NOS2: variants seen among roughly 807,000 people sequenced by gnomAD.
The protein encoded by NOS2 is nitric oxide synthase, inducible.
Under a neutral mutation model 136.0 loss-of-function variants are expected in NOS2, and 96 were observed. That is an observed-to-expected ratio of 0.71 (90% CI 0.60 to 0.84). The LOEUF is 0.84. Among genes scored for constraint, NOS2 ranks in the 40% least tolerant of loss-of-function variants. NOS2 has a pLI of 0.00. For synonymous variants in NOS2, 539 were observed against 587.5 expected, an observed-to-expected ratio of 0.92 and a Z score of 1.20; for missense variants, 1,237 against 1,496.9, an observed-to-expected ratio of 0.83 and a Z score of 2.87.
At chr17:27,796,470 A>G (rs977895151) in intron 2 of NOS2, among the ~76,000 whole-genome samples, 2 of 152,078 alleles carry the variant, frequency 1.3e-5, no homozygotes, top group African/African-American at 4.8e-5. Flanking sequence ...AATAATAATA[A>G]AAAATAAAAA....
chr17:27,757,196 G>A lies in NOS2; in HGVS notation c.*50C>T, dbSNP rs1216292514. The A allele has an allele frequency of 4.1e-6, 6 of 1,447,896 alleles. No homozygotes were observed. Among genetic ancestry groups the A allele is most frequent in the Non-Finnish European group, 5.8e-6 (6 of 1,034,978 alleles). 89.7% of individuals were successfully genotyped at this position (1,447,896 alleles called of 1,614,324 possible). ...TGTGACCTCAGATAATGCAGAGCTGGCTCCATCCTTAAGTTCTGTGCCGGC... is the reference window on the plus strand; with the variant it reads ...TGTGACCTCAGATAATGCAGAGCTGACTCCATCCTTAAGTTCTGTGCCGGC... On this transcript the variant is annotated 3_prime_UTR_variant, in exon 27 of 27. Transcript: ENST00000313735.
intron 13 of NOS2, among the ~76,000 whole-genome samples, 193 bp from the exon 14 acceptor site, chr17:27,772,645 T>C (rs1004910806): frequency 2.0e-5 from 3 of 152,096 alleles, no homozygotes; most frequent in Non-Finnish European, 4.4e-5. Flanking sequence ...TATAGGCCCC[T>C]TTGGGAAAAG....
At chr17:27,773,523 T>C (rs1415537873) in intron 12 of NOS2, among the ~76,000 whole-genome samples, 3 of 152,198 alleles carry the variant, frequency 2.0e-5, no homozygotes, top group Non-Finnish European at 4.4e-5. Flanking sequence ...GCTGCACTCC[T>C]TTTGCTTTTA....
chr17:27,769,896 G>C (rs148538256), intron 15 of NOS2, among the ~76,000 whole-genome samples: 1 of 152,290 alleles, frequency 6.6e-6, no homozygotes, highest in Non-Finnish European at 1.5e-5. Context: ...CTCCAGAGGG[G>C]CTCCGAATGC....
Position 27,783,089 on chromosome 17 carries a change from T to C in NOS2, c.485A>G (p.His162Arg). The change falls in exon 6 of 27, where the codon CAT becomes CGT. Residue 162 changes from histidine (H) to arginine (R), a missense_variant. Around this residue, in one of 3 missense-constraint regions of NOS2, gnomAD observed 440 missense variants for 545.4 expected, o/e 0.81. Transcript: ENST00000313735. ...GSFKEAKIEE[H>R]LARVEAVTKE... ...TGTTACCGCTTCCACCCTGGCCAGA[T>C]GTTCCTCTATTTTTGCCCTGGGGGA... The C allele has an allele frequency of 6.2e-7, 1 of 1,614,094 alleles. No individual in the cohort carries two copies. Among genetic ancestry groups the C allele is most frequent in the Non-Finnish European group, 8.5e-7 (1 of 1,179,996 alleles).
rs934969692 is a variant in NOS2 at position 27,768,278 on chromosome 17, T to C, written c.2035-441A>G. Among the ~76,000 whole-genome samples the C allele has an allele frequency of 2.6e-5, 4 of 152,202 alleles. No individual in the cohort carries two copies. The East Asian group carries it at 5.8e-4, about 22-fold the overall frequency. The stretch of plus-strand genomic sequence containing the variant: ...GTTACTCAGGCTAGTTTCAAGCTCC[T>C]GGGCTCAAGCAATCTGCCCACCTCA... On this transcript the variant is annotated intron_variant, in intron 17 of 26. Transcript: ENST00000313735.
chr17:27,757,410 G>A, intron 26 of NOS2, 57 bp from the exon 27 acceptor site: 1 of 1,485,304 alleles, frequency 6.7e-7, no homozygotes, highest in Non-Finnish European at 9.3e-7. Context: ...GAGCCCCTGG[G>A]GTTGCCCAGC....
At chr17:27,783,535 G>A (rs1224292735) in intron 5 of NOS2, among the ~76,000 whole-genome samples, 1 of 152,136 alleles carries the variant, frequency 6.6e-6, no homozygotes, top group African/African-American at 2.4e-5. Context: ...CTCTCCATTA[G>A]TTAGTAGAGT....
Position 27,798,879 on chromosome 17 carries a change from G to A in NOS2, c.-70C>T. On this transcript the variant is annotated 5_prime_UTR_variant, in exon 2 of 27. Transcript: ENST00000313735. ...TTTGAGCTCAGATGTTCTTCACTGTGGGGCTGAAGAAGGGAAGCAGAGGTG... is the reference window on the plus strand; with the variant it reads ...TTTGAGCTCAGATGTTCTTCACTGTAGGGCTGAAGAAGGGAAGCAGAGGTG... The A allele has an allele frequency of 1.0e-6, 1 of 992,200 alleles. No individual in the cohort carries two copies. Among genetic ancestry groups the A allele is most frequent in the South Asian group, 1.3e-5 (1 of 77,510 alleles). The allele number at this position is 992,200 out of a possible 1,614,324, so 61.5% of individuals were successfully genotyped here. A position where few individuals can be genotyped will look rare whatever the true frequency, so the allele number is the denominator to read the frequency against.
chr17:27,799,412 A>G (rs1431442984), intron 1 of NOS2, among the ~76,000 whole-genome samples: 4 of 152,194 alleles, frequency 2.6e-5, no homozygotes, highest in Non-Finnish European at 5.9e-5. Flanking sequence ...CTCCTCTTTT[A>G]TTATGTGGGG....
chr17:27,757,760 T>C (rs1172855407), intron 26 of NOS2, among the ~76,000 whole-genome samples: 1 of 152,244 alleles, frequency 6.6e-6, no homozygotes, highest in Non-Finnish European at 1.5e-5. Flanking sequence ...TAACTAAGCA[T>C]GTCCCAGGCT....
chr17:27,768,987 TG>T lies in NOS2; in HGVS notation c.2023del (p.Gln675LysfsTer28). 1 of 1,605,824 alleles carries T rather than the reference TG, an allele frequency of 6.2e-7. No homozygotes were observed. Among genetic ancestry groups the T allele is most frequent in the Non-Finnish European group, 8.5e-7 (1 of 1,176,104 alleles). ...TGGCTGGGAACTGACCTTGAAGGTTTGCACGGCCCAGCTGCGGAAGGCGTCC... is the reference window on the plus strand; with the variant it reads ...TGGCTGGGAACTGACCTTGAAGGTTTCACGGCCCAGCTGCGGAAGGCGTCC... Reference protein sequence around the residue: ...QEDAFRSWAVQTFKAACETFD... With the variant: ...QEDAFRSWAVXTFKAACETFD... On this transcript the variant is annotated frameshift_variant, in exon 17 of 27. Transcript: ENST00000313735. LOFTEE classifies it high-confidence loss of function.
chr17:27,797,322 G>A (rs1909383177), intron 2 of NOS2, among the ~76,000 whole-genome samples: 1 of 152,234 alleles, frequency 6.6e-6, no homozygotes, highest in African/African-American at 2.4e-5. Context: ...GCCATTTGCT[G>A]AGCACTTACT....
chr17:27,769,404 A>C, intron 16 of NOS2, 131 bp downstream of exon 16: 1 of 829,412 alleles, frequency 1.2e-6, no homozygotes, highest in Non-Finnish European at 2.0e-6. Flanking sequence ...CTGAGTACAG[A>C]CCTTAGACCC....
In NOS2 at chr17:27,789,664, C is replaced by A. The variant is rs201239372; in HGVS notation, c.135G>T (p.Gln45His). 1 of 1,614,062 alleles carries A rather than the reference C, an allele frequency of 6.2e-7. No individual in the cohort carries two copies. Among genetic ancestry groups the A allele is most frequent in the African/African-American group, 1.3e-5 (1 of 75,050 alleles). ...TSSPVTQDDL[Q>H]YHNLSKQQNE... ...TCTGCTGCTTGCTGAGGTTGTGATA[C>A]TGAAGGTCATCCTGTGTCACTGGAC... The change falls in exon 3 of 27, where the codon CAG (glutamine) becomes CAT (histidine). Residue 45 changes from glutamine (Q) to histidine (H), a missense_variant. Physicochemically the swap from Gln to His is conservative, Grantham distance 24. Around this residue, in one of 3 missense-constraint regions of NOS2, gnomAD observed 440 missense variants for 545.4 expected, o/e 0.81. Transcript: ENST00000313735.
At chr17:27,785,181 T>C (rs1908982793) in intron 5 of NOS2, among the ~76,000 whole-genome samples, 1 of 152,054 alleles carries the variant, frequency 6.6e-6, no homozygotes, top group African/African-American at 2.4e-5. Flanking sequence ...GTACATCTCT[T>C]CTGTGGATTT....
chr17:27,765,551 C>T lies in NOS2; in HGVS notation c.2412G>A (p.Glu804=), dbSNP rs1190148996. ...GPTPHQTVRL[E]ALDESGSYWV... is the part of the protein sequence containing the mutation. ...GGGGCTCACCACTCTCATCCAGGGC[C>T]TCCAGGCGCACTGTCTGGTGGGGTG... Residue 804 remains glutamate, a synonymous_variant, in exon 20 of 27, where the codon GAG becomes GAA. Transcript: ENST00000313735. 6 of 1,605,362 alleles carry T rather than the reference C, an allele frequency of 3.7e-6. No individual in the cohort carries two copies. In the African/African-American group the frequency reaches 8.0e-5, roughly 21 times the overall value.
At chr17:27,764,815 G>A (rs1358035494) in intron 20 of NOS2, among the ~76,000 whole-genome samples, 2 of 152,176 alleles carry the variant, frequency 1.3e-5, no homozygotes, top group East Asian at 3.9e-4. Context: ...TAAACACTGG[G>A]TAAAAATAAG....
At chr17:27,781,390 G>T (rs918991789) in intron 7 of NOS2, among the ~76,000 whole-genome samples, 1 of 152,200 alleles carries the variant, frequency 6.6e-6, no homozygotes, top group Non-Finnish European at 1.5e-5. Flanking sequence ...ATCAGGCAGG[G>T]TTAGCTGATC....
Sources: gnomAD v4.1 joint callset for allele counts (sites outside exome capture counted in the v4.1 genomes callset) on GRCh38, gnomAD v4.1.1 for gene constraint, gnomAD v4.1.1 regional missense constraint, MANE v1.5 for transcripts, NCBI Gene and HGNC (gene_info 2026-07-23, HGNC 2026-07-21) for gene names.